CLPB: variants seen among roughly 807,000 people sequenced by gnomAD.
The protein encoded by CLPB is ClpB family mitochondrial disaggregase.
Under a neutral mutation model 78.4 loss-of-function variants are expected in CLPB, and 40 were observed. The ratio of observed to expected loss-of-function variants is 0.51; its 90% CI spans 0.40 to 0.66. The LOEUF (loss-of-function observed/expected upper bound fraction) is 0.66. Ranked by LOEUF, CLPB falls within the 30% of genes least tolerant of loss-of-function variation. The pLI, the probability that CLPB is intolerant of heterozygous loss-of-function variation, is 0.00. For synonymous variants in CLPB, 333 were observed against 348.0 expected (o/e 0.96, Z 0.48); for missense variants, 780 against 886.9 (o/e 0.88, Z 1.53).
chr11:72,367,792 A>T (rs77602039), intron 4 of CLPB, among the ~76,000 whole-genome samples: 18 of 149,438 alleles, frequency 1.2e-4, no homozygotes, highest in Admixed American at 2.7e-4. Flanking sequence ...ATACAAAATT[A>T]AAAAAAAAAG....
At chr11:72,375,724 G>A (rs1027451738) in intron 4 of CLPB, among the ~76,000 whole-genome samples, 4 of 152,236 alleles carry the variant, frequency 2.6e-5, no homozygotes, top group Non-Finnish European at 5.9e-5. Context: ...TGGGAGCACT[G>A]ATGAGGGGCT....
Position 72,380,301 on chromosome 11 carries a change from T to C in CLPB, c.626A>G (p.Gln209Arg). ...FSSVYKTAKE[Q>R]GIHSLEVLIT... is the part of the protein sequence containing the mutation. ...CTTACCTTCCAAAGAATGGATTCCC[T>C]GTTCCTTGGCAGTCTTGTAAACACT... is the stretch of plus-strand genomic sequence containing the variant. The change falls in exon 4 of 16, where the codon CAG becomes CGG. Residue 209 changes from glutamine to arginine, a missense_variant. By Grantham distance (43) the Gln-to-Arg change is conservative (BLOSUM62 1). Transcript: ENST00000538039. 1 of 1,613,818 alleles carries C rather than the reference T, an allele frequency of 6.2e-7. No homozygotes were observed. Among genetic ancestry groups the C allele is most frequent in the Non-Finnish European group, 8.5e-7 (1 of 1,179,666 alleles).
intron 2 of CLPB, among the ~76,000 whole-genome samples, chr11:72,405,856 AG>A (rs1403586041): frequency 6.6e-6 from 1 of 151,816 alleles, no homozygotes; most frequent in Non-Finnish European, 1.5e-5. Flanking sequence ...TGAACCTGGG[AG>A]GCGGAGCTTG....
chr11:72,385,836 A>T (rs1476878290), intron 3 of CLPB, among the ~76,000 whole-genome samples: 1 of 152,050 alleles, frequency 6.6e-6, no homozygotes, highest in African/African-American at 2.4e-5. Flanking sequence ...AAACAACAAT[A>T]AAAAAACCCA....
chr11:72,321,398 C>T (rs532602840), intron 6 of CLPB, among the ~76,000 whole-genome samples: 49 of 152,306 alleles, frequency 3.2e-4, no homozygotes, highest in South Asian at 1.0e-3. Flanking sequence ...GAGCCATCAG[C>T]GACCAGCTTC....
intron 2 of CLPB, among the ~76,000 whole-genome samples, chr11:72,424,097 G>C (rs1856291315): frequency 6.6e-6 from 1 of 152,222 alleles, no homozygotes; most frequent in Admixed American, 6.5e-5. Flanking sequence ...CAAAGACAGT[G>C]GCCTTCGGTG....
At chr11:72,371,933 G>A (rs138182005) in intron 4 of CLPB, among the ~76,000 whole-genome samples, 1 of 152,136 alleles carries the variant, frequency 6.6e-6, no homozygotes, top group East Asian at 1.9e-4. Flanking sequence ...ATATTGTTTT[G>A]GTAATGTCTT....
rs1447465821 is a variant in CLPB at position 72,289,712 on chromosome 11, A to C, written c.*3655T>G. ...CAGCCTCCTACGTAGCTAGGATTAC[A>C]GGAATGCACCACCATGCCTGGCTAA... is the stretch of plus-strand genomic sequence containing the variant. On this transcript the variant is annotated 3_prime_UTR_variant, in exon 16 of 16. Transcript: ENST00000538039. 2 of 152,192 alleles carry C rather than the reference A, an allele frequency of 1.3e-5. No homozygotes were observed. Among genetic ancestry groups the C allele is most frequent in the African/African-American group, 4.8e-5 (2 of 41,422 alleles). 9.4% of individuals were successfully genotyped at this position (152,192 alleles called of 1,614,324 possible).
intron 2 of CLPB, among the ~76,000 whole-genome samples, chr11:72,407,603 G>A (rs1420389002): frequency 6.6e-6 from 1 of 151,996 alleles, no homozygotes; most frequent in African/African-American, 2.4e-5. Context: ...AGAACATACA[G>A]GAGAGTCAGG....
chr11:72,301,655 T>A, intron 11 of CLPB, 148 bp downstream of exon 11: 1 of 873,212 alleles, frequency 1.1e-6, no homozygotes, highest in Non-Finnish European at 1.8e-6. Flanking sequence ...AGGGGCTAAG[T>A]TGCACCTACT....
chr11:72,343,922 T>C (rs58306819), intron 5 of CLPB, among the ~76,000 whole-genome samples: 11,691 of 152,244 alleles, frequency 0.077, 749 homozygotes, highest in East Asian at 0.17. Context: ...AAATACCTGC[T>C]GACTGAATAA....
At position 72,401,966 on chromosome 11, in the gene CLPB, C is replaced by T. The variant is rs78901503; in HGVS notation, c.542+1000G>A. Among the ~76,000 whole-genome samples the T allele has an allele frequency of 9.2e-3, 1,401 of 152,152 alleles. 17 individuals are homozygous for T. Among genetic ancestry groups the T allele is most frequent in the African/African-American group, 0.032 (1,337 of 41,478 alleles). The stretch of plus-strand genomic sequence containing the variant: ...GGTAGCAGTGAGATAAAGTAAAAAA[C>T]ACAGATCATGGCTGGGCACAGTGGC... On this transcript the variant is annotated intron_variant, in intron 3 of 15. Transcript: ENST00000538039.
chr11:72,301,530 C>T (rs1949654966), intron 11 of CLPB, among the ~76,000 whole-genome samples: 1 of 152,194 alleles, frequency 6.6e-6, no homozygotes. Context: ...GTCTCGCTCT[C>T]ATGGCACCTC....
chr11:72,416,536 G>C (rs773793513), intron 2 of CLPB, among the ~76,000 whole-genome samples: 44 of 151,972 alleles, frequency 2.9e-4, no homozygotes, highest in Non-Finnish European at 4.6e-4. Context: ...AGGAGTTCGA[G>C]ACAAGCCTGG....
chr11:72,306,757 C>T (rs1016812242), intron 9 of CLPB, among the ~76,000 whole-genome samples: 1 of 152,226 alleles, frequency 6.6e-6, no homozygotes, highest in Non-Finnish European at 1.5e-5. Context: ...CCAAGACTCC[C>T]ATTAGCACAG....
rs1473768216 is a variant in CLPB, at chr11:72,430,204, C to G, written c.455+108G>C. On this transcript the variant is annotated intron_variant, in intron 2 of 15. Transcript: ENST00000538039. ...TACAGAGATGTCACAGGGGACAGTTCCCAGCTTAGGGTAAGGATTTCCTCC... is the reference window on the plus strand; with the variant it reads ...TACAGAGATGTCACAGGGGACAGTTGCCAGCTTAGGGTAAGGATTTCCTCC... 5.7e-6 allele frequency: 6 copies of G among 1,049,244 alleles called. No homozygotes were observed. The Admixed American group carries it at 8.0e-5, about 14-fold the overall frequency. 65.0% of individuals were successfully genotyped at this position (1,049,244 alleles called of 1,614,324 possible). A position where few individuals can be genotyped will look rare whatever the true frequency, so the allele number is the denominator to read the frequency against.
At chr11:72,347,414 G>GCCA (rs1950536170) in intron 5 of CLPB, among the ~76,000 whole-genome samples, 1 of 152,060 alleles carries the variant, frequency 6.6e-6, no homozygotes, top group South Asian at 2.1e-4. Context: ...CTATAATTGT[G>GCCA]CCACTGCACT....
chr11:72,342,497 T>C (rs1186109394), intron 5 of CLPB, among the ~76,000 whole-genome samples: 3 of 152,240 alleles, frequency 2.0e-5, no homozygotes, highest in African/African-American at 7.2e-5. Context: ...GTTCACGACT[T>C]TCCTGGAAGT....
intron 6 of CLPB, 97 bp from the exon 7 acceptor site, chr11:72,317,317 TC>T: frequency 1.2e-6 from 1 of 843,798 alleles, no homozygotes; most frequent in Non-Finnish European, 1.8e-6. Flanking sequence ...GGTCTGGGTA[TC>T]CAGGGGTCCT....
Sources: gnomAD v4.1 joint callset for allele counts (sites outside exome capture counted in the v4.1 genomes callset) on GRCh38, gnomAD v4.1.1 for gene constraint, MANE v1.5 for transcripts, NCBI Gene and HGNC (gene_info 2026-07-23, HGNC 2026-07-21) for gene names.